RSRC1: variants seen among roughly 807,000 people sequenced by gnomAD.
RSRC1 encodes the protein serine/Arginine-related protein 53.
A neutral mutation model predicts 49.1 loss-of-function variants in RSRC1; 39 were observed. That is an observed-to-expected ratio of 0.79 (90% confidence interval 0.61 to 1.04). The LOEUF is 1.04. Ranked by LOEUF, RSRC1 falls within the 50% of genes least tolerant of loss-of-function variation. The pLI is 0.00. For missense variants in RSRC1, 388 were observed against 402.4 expected, an observed-to-expected ratio of 0.96 and a Z score of 0.31; for synonymous variants, 143 against 130.8, an observed-to-expected ratio of 1.09 and a Z score of -0.63.
chr3:158,269,038 T>C (rs1725358187), intron 4 of RSRC1, among the ~76,000 whole-genome samples: 1 of 152,190 alleles, frequency 6.6e-6, no homozygotes, highest in Non-Finnish European at 1.5e-5. Flanking sequence ...GCTACTTAAG[T>C]AGGCAGCAAA....
At chr3:158,200,126 C>G (rs1720949221) in intron 3 of RSRC1, among the ~76,000 whole-genome samples, 1 of 152,172 alleles carries the variant, frequency 6.6e-6, no homozygotes, top group African/African-American at 2.4e-5. Context: ...CAAGCTCCGT[C>G]TCCCAGGTTC....
intron 6 of RSRC1, among the ~76,000 whole-genome samples, chr3:158,414,648 G>C (rs1033508407): frequency 1.3e-5 from 2 of 151,996 alleles, no homozygotes; most frequent in Non-Finnish European, 2.9e-5. Flanking sequence ...CGTGAGCCCA[G>C]GAGCTGGAGA....
intron 3 of RSRC1, among the ~76,000 whole-genome samples, chr3:158,168,769 T>G (rs556062939): frequency 6.6e-6 from 1 of 152,308 alleles, no homozygotes; most frequent in East Asian, 1.9e-4. Context: ...GTTTATTAGT[T>G]AATGTTGGAG....
chr3:158,397,661 G>A (rs116181298), intron 6 of RSRC1, among the ~76,000 whole-genome samples: 2,417 of 152,170 alleles, frequency 0.016, 85 homozygotes, highest in African/African-American at 0.055. Context: ...AATGGAAATA[G>A]TAAAATATAT....
chr3:158,176,312 A>C (rs986916148), intron 3 of RSRC1, among the ~76,000 whole-genome samples: 1 of 152,222 alleles, frequency 6.6e-6, no homozygotes, highest in Non-Finnish European at 1.5e-5. Context: ...TTTAAAGTCC[A>C]TATGGAACTA....
intron 6 of RSRC1, among the ~76,000 whole-genome samples, chr3:158,367,396 T>C (rs1344431652): frequency 1.3e-5 from 2 of 152,232 alleles, no homozygotes; most frequent in African/African-American, 4.8e-5. Flanking sequence ...CAAATAATCA[T>C]GTGGTTTTTG....
intron 6 of RSRC1, among the ~76,000 whole-genome samples, chr3:158,383,781 C>T (rs1732830809): frequency 6.6e-6 from 1 of 151,990 alleles, no homozygotes. Context: ...GTTTATAATG[C>T]ATTATAGAAA....
At chr3:158,261,696 C>T (rs921003412) in intron 4 of RSRC1, among the ~76,000 whole-genome samples, 7 of 152,140 alleles carry the variant, frequency 4.6e-5, no homozygotes, top group Non-Finnish European at 1.0e-4. Flanking sequence ...CTCATAGGAG[C>T]ATGAACCCTA....
chr3:158,119,246 T>G (rs1218151539), intron 1 of RSRC1, among the ~76,000 whole-genome samples: 1 of 152,152 alleles, frequency 6.6e-6, no homozygotes, highest in Non-Finnish European at 1.5e-5. Flanking sequence ...TCCTTTCTGA[T>G]TTTTGCTATG....
intron 3 of RSRC1, among the ~76,000 whole-genome samples, chr3:158,128,772 C>T (rs892608281): frequency 4.6e-5 from 7 of 152,098 alleles, no homozygotes; most frequent in African/African-American, 1.4e-4. Context: ...CTCCAGTCTA[C>T]GAGAGTTCCT....
At chr3:158,114,238 A>G (rs1210488093) in intron 1 of RSRC1, among the ~76,000 whole-genome samples, 2 of 152,158 alleles carry the variant, frequency 1.3e-5, no homozygotes, top group Admixed American at 6.5e-5. Context: ...TCCCAGTACC[A>G]TTTATTAAAT....
chr3:158,384,238 C>T (rs558545792), intron 6 of RSRC1, among the ~76,000 whole-genome samples: 8 of 152,018 alleles, frequency 5.3e-5, no homozygotes, highest in Non-Finnish European at 7.4e-5. Context: ...CAGTAGGGTA[C>T]GATCTAAGAT....
At chr3:158,176,080 A>G (rs767570723) in intron 3 of RSRC1, among the ~76,000 whole-genome samples, 9 of 152,168 alleles carry the variant, frequency 5.9e-5, no homozygotes, top group Non-Finnish European at 1.2e-4. Flanking sequence ...AATACCTAGG[A>G]ATCCAACTTA....
At chr3:158,457,294 G>C (rs76134329) in intron 6 of RSRC1, among the ~76,000 whole-genome samples, 1 of 152,274 alleles carries the variant, frequency 6.6e-6, no homozygotes, top group South Asian at 2.1e-4. Flanking sequence ...AGAACTGCTG[G>C]TTCCGGTACA....
At chr3:158,203,002 TAA>T (rs1721147591) in intron 3 of RSRC1, 68 bp from the exon 4 acceptor site, 4 of 1,261,316 alleles carry the variant, frequency 3.2e-6, no homozygotes, top group South Asian at 1.5e-5. Flanking sequence ...TCAGATAATT[TAA>T]AAGAGTATTT....
chr3:158,221,387 A>G (rs1009338190), intron 4 of RSRC1, among the ~76,000 whole-genome samples: 17 of 151,358 alleles, frequency 1.1e-4, no homozygotes, highest in African/African-American at 3.4e-4. Context: ...TTTCTCATCC[A>G]TTAGATTCTG....
chr3:158,460,186 A>G (rs1402422180), intron 6 of RSRC1, among the ~76,000 whole-genome samples: 1 of 151,928 alleles, frequency 6.6e-6, no homozygotes, highest in African/African-American at 2.4e-5. Context: ...ATTTTCACTT[A>G]GTTCACTCAT....
chr3:158,378,442 A>G (rs1732500519), intron 6 of RSRC1, among the ~76,000 whole-genome samples: 1 of 152,182 alleles, frequency 6.6e-6, no homozygotes, highest in African/African-American at 2.4e-5. Context: ...CATTGTGAAT[A>G]TTTGGTTGTG....
chr3:158,199,326 T>C (rs145702973), intron 3 of RSRC1, among the ~76,000 whole-genome samples: 6 of 152,250 alleles, frequency 3.9e-5, no homozygotes, highest in South Asian at 4.2e-4. Flanking sequence ...GACTAATATA[T>C]ATCCTGAGTA....
Sources: allele counts gnomAD v4.1 joint callset (sites outside exome capture counted in the v4.1 genomes callset), GRCh38; gene constraint gnomAD v4.1.1; transcripts MANE v1.5; gene names NCBI Gene and HGNC (gene_info 2026-07-23, HGNC 2026-07-21).